Variants in COBLL1 observed in about 807,000 individuals in gnomAD.
COBLL1 encodes the protein cordon-bleu WH2 repeat protein like 1.
A neutral mutation model predicts 94.8 loss-of-function variants in COBLL1; 50 were observed. That is an observed-to-expected ratio of 0.53 (90% confidence interval 0.42 to 0.67). The LOEUF is 0.67. Ranked by LOEUF, COBLL1 falls within the 30% of genes least tolerant of loss-of-function variation. The probability of loss-of-function intolerance (pLI) is 0.00; values close to 1 mark genes in which losing one functional copy is unlikely to be tolerated. For missense variants in COBLL1, 1,362 were observed against 1,348.7 expected (o/e 1.01, Z -0.15); for synonymous variants, 448 against 473.8 (o/e 0.95, Z 0.71).
At chr2:164,702,789 T>A (rs1053419087) in intron 9 of COBLL1, among the ~76,000 whole-genome samples, 4 of 151,876 alleles carry the variant, frequency 2.6e-5, no homozygotes, top group African/African-American at 4.8e-5. Flanking sequence ...GTATTTTAAG[T>A]GTGAGCCACC....
intron 2 of COBLL1, among the ~76,000 whole-genome samples, chr2:164,822,889 C>T (rs562759891): frequency 2.6e-5 from 4 of 151,854 alleles, no homozygotes; most frequent in Non-Finnish European, 4.4e-5. Context: ...CGTGCCTCAG[C>T]CTCCCAAGTA....
rs1683202657 is a variant in COBLL1 at position 164,684,803 on chromosome 2, C to T, written c.*1143G>A. The T allele has an allele frequency of 6.6e-6, 1 of 151,974 alleles. No homozygotes were observed. The allele number at this position is 151,974 out of a possible 1,614,324, so 9.4% of individuals were successfully genotyped here. ...TTTATTAAATTGAAAAAAAAATCCCCAAGAGGCAGATATCCCAGTAGTTTT... is the reference window on the plus strand; with the variant it reads ...TTTATTAAATTGAAAAAAAAATCCCTAAGAGGCAGATATCCCAGTAGTTTT... On this transcript the variant is annotated 3_prime_UTR_variant, in exon 14 of 14. Transcript: ENST00000652658.
intron 2 of COBLL1, among the ~76,000 whole-genome samples, chr2:164,799,480 G>T (rs192519872): frequency 5.9e-5 from 9 of 152,214 alleles, no homozygotes; most frequent in African/African-American, 2.2e-4. Context: ...TAAATTCAGA[G>T]GCATATCCTG....
At chr2:164,738,678 C>A (rs1222716258) in intron 3 of COBLL1, among the ~76,000 whole-genome samples, 1 of 152,214 alleles carries the variant, frequency 6.6e-6, no homozygotes, top group East Asian at 1.9e-4. Flanking sequence ...GTTGAGTATC[C>A]CTCATCCAAC....
intron 2 of COBLL1, chr2:164,779,733 C>A (rs1336520950): frequency 2.1e-6 from 1 of 470,884 alleles, no homozygotes; most frequent in Non-Finnish European, 4.4e-6. Context: ...ACCACACAGA[C>A]TAGGGCCTTC....
At chr2:164,829,902 C>T (rs1222236929) in intron 2 of COBLL1, among the ~76,000 whole-genome samples, 1 of 152,130 alleles carries the variant, frequency 6.6e-6, no homozygotes, top group Admixed American at 6.5e-5. Context: ...CCTAAATGGT[C>T]TCCTCCTTTT....
chr2:164,784,231 T>C (rs1012001327), intron 2 of COBLL1, among the ~76,000 whole-genome samples: 2 of 152,188 alleles, frequency 1.3e-5, no homozygotes, highest in African/African-American at 2.4e-5. Flanking sequence ...TTATATGTTT[T>C]ATATTTTATA....
chr2:164,717,471 A>T (rs545001817), intron 7 of COBLL1, among the ~76,000 whole-genome samples: 3 of 152,310 alleles, frequency 2.0e-5, no homozygotes, highest in Admixed American at 6.5e-5. Flanking sequence ...AATAAGTATG[A>T]TTCACTTGTA....
chr2:164,777,588 T>C (rs571886959), intron 2 of COBLL1, among the ~76,000 whole-genome samples: 2 of 152,178 alleles, frequency 1.3e-5, no homozygotes, highest in Non-Finnish European at 2.9e-5. Flanking sequence ...ACAATGATCC[T>C]TCTTAGGGAA....
intron 7 of COBLL1, among the ~76,000 whole-genome samples, chr2:164,714,063 T>C (rs564742652): frequency 6.6e-6 from 1 of 151,920 alleles, no homozygotes; most frequent in Admixed American, 6.6e-5. Flanking sequence ...AAGAAGAAGA[T>C]AATAGACCTA....
intron 2 of COBLL1, among the ~76,000 whole-genome samples, chr2:164,780,650 G>A (rs1688684728): frequency 6.6e-6 from 1 of 152,226 alleles, no homozygotes; most frequent in East Asian, 1.9e-4. Flanking sequence ...ACAGCGAATG[G>A]ACAAGAGCTG....
rs148618851 is a variant in COBLL1, at chr2:164,669,402, A to G, written n.127-3501T>C. On this transcript the variant is annotated intron_variant and non_coding_transcript_variant, in intron 1 of 2. Coordinates refer to the COBLL1 transcript ENST00000495084. ...TTCAAAGGAAAAGGGAGACTTATAG[A>G]GTTTGGCTTGTCCACTTATGTTTCC... is the stretch of plus-strand genomic sequence containing the variant. Among the ~76,000 whole-genome samples, 1,495 of 152,384 alleles carry G rather than the reference A, an allele frequency of 9.8e-3. 15 individuals carry two copies. The highest frequency in any genetic ancestry group is 0.029 in the African/African-American group (1,219 of 41,594).
At chr2:164,793,758 A>T (rs1683304502) in intron 2 of COBLL1, among the ~76,000 whole-genome samples, 1 of 152,362 alleles carries the variant, frequency 6.6e-6, no homozygotes, top group Admixed American at 6.5e-5. Context: ...CATGGAATAT[A>T]AAAGACATTT....
At chr2:164,762,657 A>G (rs1215059108) in intron 2 of COBLL1, among the ~76,000 whole-genome samples, 1 of 152,160 alleles carries the variant, frequency 6.6e-6, no homozygotes, top group Non-Finnish European at 1.5e-5. Flanking sequence ...GGTAAGTGTG[A>G]ACAAACTATG....
intron 3 of COBLL1, among the ~76,000 whole-genome samples, chr2:164,733,274 G>T (rs1353760121): frequency 6.6e-6 from 1 of 152,020 alleles, no homozygotes; most frequent in African/African-American, 2.4e-5. Flanking sequence ...TAAATAGTGT[G>T]GGTAATTGGT....
Position 164,841,810 on chromosome 2 carries a change from G to A in COBLL1, c.-151C>T. The A allele has an allele frequency of 1.6e-6, 1 of 613,862 alleles. No homozygotes were observed. The highest frequency in any genetic ancestry group is 3.3e-5 in the Admixed American group (1 of 30,654). The allele number at this position is 613,862 out of a possible 1,614,324, so 38.0% of individuals were successfully genotyped here. A position where few individuals can be genotyped will look rare whatever the true frequency, so the allele number is the denominator to read the frequency against. ...CGCGCTCTTGCCGCTCGGCTCTCAA[G>A]CCAGGACTTGAATGGAGAAGCGGCA... On this transcript the variant is annotated 5_prime_UTR_variant, in exon 1 of 14. Coordinates refer to ENST00000652658, the MANE Select transcript of COBLL1 (RefSeq NM_001365672.2). This position sits in a 1 kb window ranked among gnomAD's most constrained non-coding sequence, Gnocchi z 5.5.
intron 9 of COBLL1, chr2:164,703,768 A>G: frequency 3.7e-6 from 1 of 267,486 alleles, no homozygotes; most frequent in Middle Eastern, 4.4e-4. Flanking sequence ...TAGCATAATC[A>G]TATTCTATTT....
chr2:164,728,899 C>T (rs1478866017), intron 4 of COBLL1, among the ~76,000 whole-genome samples: 1 of 151,810 alleles, frequency 6.6e-6, no homozygotes, highest in South Asian at 2.1e-4. Flanking sequence ...TGAATTAAAT[C>T]CTGTATGGAA....
chr2:164,695,180 G>A lies in COBLL1; in HGVS notation c.2212C>T (p.Pro738Ser), dbSNP rs1683856097. The change falls in exon 12 of 14, where the codon CCT becomes TCT. Residue 738 changes from proline to serine, a missense_variant. Transcript: ENST00000652658. Reference sequence around the variant, plus strand: ...TTCGATATTTCCAAGGATTTGGGAGGCACTATTTTATAAGTAGTCATGCCA... The same window carrying A: ...TTCGATATTTCCAAGGATTTGGGAGACACTATTTTATAAGTAGTCATGCCA... ...KIGMTTYKIV[P>S]PKSLEISKDW... 1 of 1,613,798 alleles carries A rather than the reference G, an allele frequency of 6.2e-7. No individual in the cohort carries two copies. The highest frequency in any genetic ancestry group is 8.5e-7 in the Non-Finnish European group (1 of 1,179,844).
Sources: gnomAD v4.1 joint callset for allele counts (sites outside exome capture counted in the v4.1 genomes callset) on GRCh38, gnomAD v4.1.1 for gene constraint, Gnocchi (gnomAD v3.1) non-coding constraint, MANE v1.5 for transcripts, NCBI Gene and HGNC (gene_info 2026-07-23, HGNC 2026-07-21) for gene names.